Variants in EPHX2 observed in about 807,000 individuals in gnomAD.
The protein encoded by EPHX2 is bifunctional epoxide hydrolase 2.
A neutral mutation model predicts 78.7 loss-of-function variants in EPHX2; 74 were observed. That is an observed-to-expected ratio of 0.94 (90% CI 0.78 to 1.14). The LOEUF is 1.14. Among genes scored for constraint, EPHX2 ranks in the 50% most tolerant of loss-of-function variants. The pLI is 0.00. For missense variants in EPHX2, 715 were observed against 702.5 expected, an observed-to-expected ratio of 1.02 and a Z score of -0.20; for synonymous variants, 251 against 255.2, an observed-to-expected ratio of 0.98 and a Z score of 0.16.
intron 4 of EPHX2, among the ~76,000 whole-genome samples, chr8:27,505,607 CTACTT>C (rs753489163): frequency 6.6e-6 from 1 of 152,202 alleles, no homozygotes; most frequent in Non-Finnish European, 1.5e-5. Context: ...TTGTGTGTCT[CTACTT>C]TAATCTACAA....
chr8:27,526,642 T>C (rs1563356417), intron 12 of EPHX2, among the ~76,000 whole-genome samples: 1 of 152,214 alleles, frequency 6.6e-6, no homozygotes, highest in Non-Finnish European at 1.5e-5. Flanking sequence ...TTTTAGAAGC[T>C]GGAAGTTCAA....
At position 27,536,554 on chromosome 8, in the gene EPHX2, G is replaced by A. The variant is rs72477505; in HGVS notation, c.1171-230G>A. 2.8e-3 allele frequency among the ~76,000 whole-genome samples: 429 copies of A among 152,254 alleles called. 1 individual carries two copies. Among genetic ancestry groups the A allele is most frequent in the African/African-American group, 9.9e-3 (410 of 41,532 alleles). On this transcript the variant is annotated intron_variant, in intron 12 of 18. Transcript: ENST00000521400. ...AATATTGAAAAACACAAAGAAAGTGGCATCTATAAACCTGCCTCCCGTGGG... is the reference window on the plus strand; with the variant it reads ...AATATTGAAAAACACAAAGAAAGTGACATCTATAAACCTGCCTCCCGTGGG...
chr8:27,528,834 C>T (rs1318288943), intron 12 of EPHX2, among the ~76,000 whole-genome samples: 2 of 152,120 alleles, frequency 1.3e-5, no homozygotes, highest in African/African-American at 2.4e-5. Flanking sequence ...CTCACTGTGT[C>T]GCCCAGGCTG....
At position 27,522,424 on chromosome 8, in the gene EPHX2, G is replaced by A; in HGVS notation, c.974G>A (p.Gly325Asp). The A allele has an allele frequency of 6.2e-7, 1 of 1,613,784 alleles. No individual in the cohort carries two copies. Among genetic ancestry groups the A allele is most frequent in the East Asian group, 2.2e-5 (1 of 44,874 alleles). ...GCTCCCTTCTTTTTCCTTCTCTAGGGCCTCTCTCAAGCAGTGTTCATTGGC... is the reference window on the plus strand; with the variant it reads ...GCTCCCTTCTTTTTCCTTCTCTAGGACCTCTCTCAAGCAGTGTTCATTGGC... ...KEMVTFLDKL[G>D]LSQAVFIGHD... The change falls in exon 11 of 19, where the codon GGC becomes GAC. Residue 325 changes from glycine (G) to aspartate (D), a missense_variant and splice_region_variant. Transcript: ENST00000521400.
chr8:27,542,583 A>G lies in EPHX2; in HGVS notation c.1449+1041A>G, dbSNP rs1404763795. ...CAAAATCTCTCAAAGCGTGGAGGAA[A>G]ATATTGACAAAGGCGCTGGGAAGGT... On this transcript the variant is annotated intron_variant, in intron 16 of 18. Transcript: ENST00000521400. Among the ~76,000 whole-genome samples the G allele has an allele frequency of 2.0e-5, 3 of 152,178 alleles. No homozygotes were observed. The East Asian group carries it at 5.8e-4, about 29-fold the overall frequency.
Position 27,515,702 on chromosome 8 carries a change from T to C in EPHX2, c.736-16T>C, listed in dbSNP as rs2132744817. ...CTGGTGCTTGGTCGCTGCCCTCTCC[T>C]CTTTCCCTTCCACAGCCCAGGGTCC... is the stretch of plus-strand genomic sequence containing the variant. On this transcript the variant is annotated splice_polypyrimidine_tract_variant and intron_variant, in intron 6 of 18. Coordinates refer to ENST00000521400, the MANE Select transcript of EPHX2 (RefSeq NM_001979.6). The C allele has an allele frequency of 6.2e-7, 1 of 1,612,538 alleles. No individual in the cohort carries two copies. The highest frequency in any genetic ancestry group is 1.1e-5 in the South Asian group (1 of 90,964).
Position 27,503,764 on chromosome 8 carries a change from G to A in EPHX2, c.346+1G>A, listed in dbSNP as rs769613726. 8.1e-6 allele frequency: 13 copies of A among 1,609,920 alleles called. No individual in the cohort carries two copies. The highest frequency in any genetic ancestry group is 1.1e-5 in the Non-Finnish European group (13 of 1,179,808). ...GCAGCTCTCATGCTCAGGAAGAAAG[G>A]TAAGGATCTGATACTGGCCAATCTC... is the stretch of plus-strand genomic sequence containing the variant. On this transcript the variant is annotated splice_donor_variant, in intron 3 of 18. Coordinates refer to ENST00000521400, the MANE Select transcript of EPHX2 (RefSeq NM_001979.6). LOFTEE classifies it high-confidence loss of function.
chr8:27,501,387 C>CTTCTTCTTCT (rs1554519566), intron 2 of EPHX2, among the ~76,000 whole-genome samples: 221 of 67,438 alleles, frequency 3.3e-3, no homozygotes, highest in East Asian at 8.3e-3. Context: ...TCTTCTTCTT[C>CTTCTTCTTCT]TTCTTCTTTC....
chr8:27,511,338 G>A (rs1814237163), intron 5 of EPHX2, among the ~76,000 whole-genome samples: 1 of 152,240 alleles, frequency 6.6e-6, no homozygotes, highest in Non-Finnish European at 1.5e-5. Flanking sequence ...TGCCACAGAA[G>A]CAAATAATAT....
chr8:27,501,544 C>G (rs1340006999), intron 2 of EPHX2, among the ~76,000 whole-genome samples: 1 of 152,052 alleles, frequency 6.6e-6, no homozygotes, highest in Non-Finnish European at 1.5e-5. Context: ...GCTGGGATTA[C>G]AGGCACACAT....
intron 11 of EPHX2, among the ~76,000 whole-genome samples, chr8:27,525,105 T>TACGCGC (rs1814787292): frequency 7.8e-6 from 1 of 127,492 alleles, no homozygotes; most frequent in South Asian, 2.6e-4. Context: ...TGTGTGTGTG[T>TACGCGC]GTGCGCGCGC....
chr8:27,506,304 A>G (rs1814004430), intron 4 of EPHX2, among the ~76,000 whole-genome samples: 1 of 152,216 alleles, frequency 6.6e-6, no homozygotes, highest in African/African-American at 2.4e-5. Context: ...TACTACATAT[A>G]AATTTTTGAT....
chr8:27,535,062 G>T (rs1815168682), intron 12 of EPHX2, among the ~76,000 whole-genome samples: 1 of 152,332 alleles, frequency 6.6e-6, no homozygotes, highest in East Asian at 1.9e-4. Context: ...GCGTGCAGGT[G>T]GGTGGTTAGA....
intron 13 of EPHX2, among the ~76,000 whole-genome samples, chr8:27,537,485 T>G (rs150053402): frequency 6.6e-6 from 1 of 152,218 alleles, no homozygotes; most frequent in Non-Finnish European, 1.5e-5. Context: ...TTTAGAAACT[T>G]CTGTCATTGC....
intron 6 of EPHX2, 80 bp downstream of exon 6, chr8:27,511,990 G>T: frequency 1.4e-6 from 2 of 1,405,334 alleles, no homozygotes; most frequent in Non-Finnish European, 2.0e-6. Flanking sequence ...CACCCAAGAG[G>T]CTGAGCTGTG....
intron 1 of EPHX2, among the ~76,000 whole-genome samples, chr8:27,496,021 C>T (rs896343796): frequency 4.6e-5 from 7 of 152,080 alleles, no homozygotes; most frequent in Admixed American, 1.3e-4. Flanking sequence ...GATCCATAGT[C>T]GGCAAAAGCT....
At chr8:27,517,098 T>G (rs549541858) in intron 8 of EPHX2, among the ~76,000 whole-genome samples, 8 of 152,276 alleles carry the variant, frequency 5.3e-5, no homozygotes, top group Non-Finnish European at 1.0e-4. Context: ...TTTTGTATTT[T>G]TAGTAGAGAC....
intron 1 of EPHX2, 114 bp downstream of exon 1, chr8:27,491,423 C>G: frequency 1.3e-6 from 1 of 753,558 alleles, no homozygotes; most frequent in South Asian, 2.1e-5. Context: ...GCGAATCATG[C>G]GAATCATGAA....
At chr8:27,491,541 T>A (rs1813380084) in intron 1 of EPHX2, among the ~76,000 whole-genome samples, 1 of 152,218 alleles carries the variant, frequency 6.6e-6, no homozygotes, top group Admixed American at 6.5e-5. Flanking sequence ...TTCTGTGAAC[T>A]TTTCCAAAAG....
Sources: gnomAD v4.1 joint callset for allele counts (sites outside exome capture counted in the v4.1 genomes callset) on GRCh38, gnomAD v4.1.1 for gene constraint, MANE v1.5 for transcripts, NCBI Gene and HGNC (gene_info 2026-07-23, HGNC 2026-07-21) for gene names.